Variants in SFRP1 observed in about 807,000 individuals in gnomAD.
SFRP1 encodes the protein secreted frizzled-related protein 1.
Under a neutral mutation model 25.9 loss-of-function variants are expected in SFRP1, and 9 were observed. That is an observed-to-expected ratio of 0.35 (90% confidence interval 0.21 to 0.61). The LOEUF (loss-of-function observed/expected upper bound fraction) is 0.61, where lower values mean the gene tolerates loss of function less well. SFRP1 is among the 20% of genes least tolerant of loss of function. SFRP1 has a pLI of 0.78. For missense variants in SFRP1, 346 were observed against 418.2 expected (o/e 0.83, Z 1.51); for synonymous variants, 178 against 174.0 (o/e 1.02, Z -0.18).
At chr8:41,304,364 G>C (rs1254810287) in intron 1 of SFRP1, among the ~76,000 whole-genome samples, 1 of 152,224 alleles carries the variant, frequency 6.6e-6, no homozygotes, top group Non-Finnish European at 1.5e-5. Context: ...TCCCAGGACA[G>C]AGGGAGAGCA....
At chr8:41,277,225 T>C (rs7013565) in intron 2 of SFRP1, among the ~76,000 whole-genome samples, 78,116 of 117,534 alleles carry the variant, frequency 0.66, 23,620 homozygotes, top group African/African-American at 0.86. Flanking sequence ...CCCCCCACCC[T>C]CACCACCATC....
In SFRP1 at chr8:41,309,132, G is replaced by C; in HGVS notation, c.28C>G (p.Arg10Gly). Residue 10 changes from arginine to glycine, a missense_variant, in exon 1 of 3, where the codon CGC (arginine) becomes GGC (glycine). Physicochemically the swap from Arg to Gly is moderately radical, Grantham distance 125. Coordinates refer to ENST00000220772, the MANE Select transcript of SFRP1 (RefSeq NM_003012.5). Reference sequence around the variant, plus strand: ...AGCACGCCCAGGGCTGCCCCGCGGCGGCCCCCCTCGCTGCGCCCGATGCCC... The same window carrying C: ...AGCACGCCCAGGGCTGCCCCGCGGCCGCCCCCCTCGCTGCGCCCGATGCCC... MGIGRSEGG[R>G]RGAALGVLLA... The C allele has an allele frequency of 3.5e-6, 5 of 1,441,354 alleles. No individual in the cohort carries two copies. The highest frequency in any genetic ancestry group is 3.6e-6 in the Non-Finnish European group (4 of 1,112,366). 89.3% of individuals were successfully genotyped at this position (1,441,354 alleles called of 1,614,324 possible). A position where few individuals can be genotyped will look rare whatever the true frequency, so the allele number is the denominator to read the frequency against.
intron 2 of SFRP1, among the ~76,000 whole-genome samples, chr8:41,291,866 A>C (rs1259200280): frequency 6.6e-6 from 1 of 152,208 alleles, no homozygotes; most frequent in Non-Finnish European, 1.5e-5. Flanking sequence ...TGGAGCACGG[A>C]CAGAGGCACC....
At chr8:41,288,879 A>AG (rs1254643932) in intron 2 of SFRP1, among the ~76,000 whole-genome samples, 1 of 152,244 alleles carries the variant, frequency 6.6e-6, no homozygotes, top group African/African-American at 2.4e-5. Flanking sequence ...GCAGCAGCTC[A>AG]GAGACACATT....
chr8:41,297,279 G>C (rs905508359), intron 2 of SFRP1, among the ~76,000 whole-genome samples: 1 of 146,004 alleles, frequency 6.8e-6, no homozygotes, highest in Admixed American at 6.8e-5. Flanking sequence ...TCTGACCTCA[G>C]GTGATCCACC....
chr8:41,279,292 C>T (rs1803606771), intron 2 of SFRP1, among the ~76,000 whole-genome samples: 2 of 152,162 alleles, frequency 1.3e-5, no homozygotes, highest in African/African-American at 4.8e-5. Flanking sequence ...ACTCTCTGCA[C>T]AGAACTCCGC....
At chr8:41,269,883 T>TA (rs1803482306) in intron 2 of SFRP1, among the ~76,000 whole-genome samples, 1 of 151,756 alleles carries the variant, frequency 6.6e-6, no homozygotes, top group Non-Finnish European at 1.5e-5. Flanking sequence ...AAGAGGGACA[T>TA]ACTAGAGAGC....
At chr8:41,294,438 G>C (rs772568367) in intron 2 of SFRP1, among the ~76,000 whole-genome samples, 7 of 152,170 alleles carry the variant, frequency 4.6e-5, no homozygotes, top group Non-Finnish European at 8.8e-5. Flanking sequence ...AAGGGCTAGA[G>C]AAAACAAGAG....
chr8:41,306,594 G>C, intron 1 of SFRP1: 2 of 1,115,240 alleles, frequency 1.8e-6, no homozygotes, highest in Non-Finnish European at 2.5e-6. Context: ...AGGGTGGTGT[G>C]CCATCTCAGG....
At chr8:41,286,434 G>T (rs1354730254) in intron 2 of SFRP1, among the ~76,000 whole-genome samples, 1 of 151,980 alleles carries the variant, frequency 6.6e-6, no homozygotes, top group Non-Finnish European at 1.5e-5. Context: ...AAGTCACCAG[G>T]AAAATCAACA....
chr8:41,283,716 C>T (rs779022993), intron 2 of SFRP1, among the ~76,000 whole-genome samples: 2 of 151,924 alleles, frequency 1.3e-5, no homozygotes. Context: ...GCACCCACCA[C>T]CATGCCCATC....
At chr8:41,284,379 C>A (rs1469719433) in intron 2 of SFRP1, among the ~76,000 whole-genome samples, 1 of 5,104 alleles carries the variant, frequency 2.0e-4, no homozygotes, top group Non-Finnish European at 3.5e-4. Flanking sequence ...CTGGAGGGCC[C>A]CCTCCCACAT....
rs578157414 is a variant in SFRP1, at chr8:41,283,335, G to C, written c.623-17846C>G. ...TAGGATGATCTTTAGGCCTTGTCCT[G>C]CGAATAGGTCACATTCTCTGCATTA... is the stretch of plus-strand genomic sequence containing the variant. On this transcript the variant is annotated intron_variant, in intron 2 of 2. Coordinates refer to ENST00000220772, the MANE Select transcript of SFRP1 (RefSeq NM_003012.5). 7.9e-5 allele frequency among the ~76,000 whole-genome samples: 12 copies of C among 152,208 alleles called. No individual in the cohort carries two copies. In the South Asian group the frequency reaches 2.5e-3, roughly 32 times the overall value.
chr8:41,264,988 G>A lies in SFRP1; in HGVS notation c.*179C>T, dbSNP rs759853980. ...TTTACCCGGCCATGGCTACCCTGGG[G>A]TTTGGAGCGTGGCTATGGAGGGAAG... On this transcript the variant is annotated 3_prime_UTR_variant, in exon 3 of 3. Coordinates refer to ENST00000220772, the MANE Select transcript of SFRP1 (RefSeq NM_003012.5). The A allele has an allele frequency of 6.8e-6, 4 of 591,460 alleles. No individual in the cohort carries two copies. Among genetic ancestry groups the A allele is most frequent in the Non-Finnish European group, 1.2e-5 (4 of 336,874 alleles). 36.6% of individuals were successfully genotyped at this position (591,460 alleles called of 1,614,324 possible).
rs370353880 is a variant in SFRP1, at chr8:41,265,119, C to G, written c.*48G>C. The G allele has an allele frequency of 2.4e-4, 112 of 465,364 alleles. 1 individual carries two copies. Among genetic ancestry groups the G allele is most frequent in the Middle Eastern group, 6.8e-4 (1 of 1,474 alleles). 28.8% of individuals were successfully genotyped at this position (465,364 alleles called of 1,614,324 possible). Reference sequence around the variant, plus strand: ...CGGGTTCCCGGGGCACTGTCCCCCCCGCTCCCACCCCACCCGAGGCTCCCT... The same window carrying G: ...CGGGTTCCCGGGGCACTGTCCCCCCGGCTCCCACCCCACCCGAGGCTCCCT... On this transcript the variant is annotated 3_prime_UTR_variant, in exon 3 of 3. Coordinates refer to ENST00000220772, the MANE Select transcript of SFRP1 (RefSeq NM_003012.5).
At chr8:41,288,066 A>T (rs1313566404) in intron 2 of SFRP1, among the ~76,000 whole-genome samples, 1 of 151,456 alleles carries the variant, frequency 6.6e-6, no homozygotes, top group Non-Finnish European at 1.5e-5. Context: ...AAAAAAAAAA[A>T]TTTAAATTTG....
intron 2 of SFRP1, chr8:41,277,016 G>A (rs746388643): frequency 2.2e-6 from 1 of 456,258 alleles, no homozygotes; most frequent in South Asian, 1.5e-5. Context: ...TTGATTTCCT[G>A]GATTGTGTTA....
chr8:41,285,996 G>A (rs947720765), intron 2 of SFRP1, among the ~76,000 whole-genome samples: 1 of 151,020 alleles, frequency 6.6e-6, no homozygotes, highest in Non-Finnish European at 1.5e-5. Flanking sequence ...CTCCAACCCA[G>A]GGTCCTCATT....
Position 41,308,880 on chromosome 8 carries a change from C to A in SFRP1, c.280G>T (p.Ala94Ser), listed in dbSNP as rs937435721. 5 of 1,610,958 alleles carry A rather than the reference C, an allele frequency of 3.1e-6. No individual in the cohort carries two copies. Among genetic ancestry groups the A allele is most frequent in the Non-Finnish European group, 4.2e-6 (5 of 1,179,666 alleles). Residue 94 changes from alanine (A) to serine (S), a missense_variant, in exon 1 of 3, where the codon GCC (alanine) becomes TCC (serine). By Grantham distance (99) the Ala-to-Ser change is moderately conservative. Coordinates refer to ENST00000220772, the MANE Select transcript of SFRP1 (RefSeq NM_003012.5). ...TTGAGCAGGGGCACCCAGCTGCTGGCCTGCTGCTTCACCTCCGCCATGGTC... is the reference window on the plus strand; with the variant it reads ...TTGAGCAGGGGCACCCAGCTGCTGGACTGCTGCTTCACCTCCGCCATGGTC... Reference protein sequence around the residue: ...HETMAEVKQQASSWVPLLNKN... With the variant: ...HETMAEVKQQSSSWVPLLNKN...
Sources: gnomAD v4.1 joint callset for allele counts (sites outside exome capture counted in the v4.1 genomes callset) on GRCh38, gnomAD v4.1.1 for gene constraint, MANE v1.5 for transcripts, NCBI Gene and HGNC (gene_info 2026-07-23, HGNC 2026-07-21) for gene names.